The following KCNIP4 variants were observed in gnomAD, a reference collection of about 807,000 sequenced individuals.
KCNIP4 encodes the protein Kv channel-interacting protein 4.
Under a neutral mutation model 34.0 loss-of-function variants are expected in KCNIP4, and 12 were observed. The observed-to-expected ratio is 0.35, with a 90% confidence interval of 0.23 to 0.57. The LOEUF is 0.57. Ranked by LOEUF, KCNIP4 falls within the 20% of genes least tolerant of loss-of-function variation. The probability of loss-of-function intolerance (pLI) is 0.83; values close to 1 mark genes in which losing one functional copy is unlikely to be tolerated. For synonymous variants in KCNIP4, 124 were observed against 102.2 expected, an observed-to-expected ratio of 1.21 and a Z score of -1.29; for missense variants, 238 against 311.7, an observed-to-expected ratio of 0.76 and a Z score of 1.78.
chr4:20,814,510 G>A lies in KCNIP4; in HGVS notation c.288+36033C>T, dbSNP rs575273820. 3.0e-3 allele frequency among the ~76,000 whole-genome samples: 458 copies of A among 152,260 alleles called. 1 individual carries two copies. Among genetic ancestry groups the A allele is most frequent in the Non-Finnish European group, 4.6e-3 (311 of 68,014 alleles). ...AATTGTATGAACTCAGGTGCTAGAC[G>A]TTCCTGGGTTTATTCTAGGCTCTGC... On this transcript the variant is annotated intron_variant, in intron 3 of 8. Transcript: ENST00000382152.
intron 1 of KCNIP4, among the ~76,000 whole-genome samples, chr4:20,933,296 G>A (rs1340338777): frequency 6.6e-6 from 1 of 151,998 alleles, no homozygotes; most frequent in Non-Finnish European, 1.5e-5. Flanking sequence ...CAAGCTAATT[G>A]TACCAGTGTT....
At chr4:20,966,671 C>T (rs2149669596) in intron 1 of KCNIP4, among the ~76,000 whole-genome samples, 1 of 152,216 alleles carries the variant, frequency 6.6e-6, no homozygotes, top group East Asian at 1.9e-4. Flanking sequence ...CTTATTATAA[C>T]TTACAAAAGA....
At chr4:21,498,791 G>A (rs2109881457) in intron 1 of KCNIP4, among the ~76,000 whole-genome samples, 1 of 152,232 alleles carries the variant, frequency 6.6e-6, no homozygotes, top group Non-Finnish European at 1.5e-5. Context: ...CTGTGCAGAT[G>A]AGAAACAATA....
At chr4:20,964,995 G>GA (rs763217357) in intron 1 of KCNIP4, among the ~76,000 whole-genome samples, 2 of 152,096 alleles carry the variant, frequency 1.3e-5, no homozygotes, top group Non-Finnish European at 2.9e-5. Flanking sequence ...TTTCTTTCAA[G>GA]AAAAACTTTA....
chr4:20,729,874 CCTGAA>C lies in KCNIP4; in HGVS notation c.*203_*207del. On this transcript the variant is annotated 3_prime_UTR_variant, in exon 9 of 9. Coordinates refer to ENST00000382152, the MANE Select transcript of KCNIP4 (RefSeq NM_025221.6). ...GAGTATGAAATGAGTTAGACCATCC[CCTGAA>C]CTCAGTGGCATTATGAAAAGGATGC... 2.1e-6 allele frequency: 1 copy of C among 472,770 alleles called. No homozygotes were observed. Among genetic ancestry groups the C allele is most frequent in the Non-Finnish European group, 3.7e-6 (1 of 272,422 alleles). 29.3% of individuals were successfully genotyped at this position (472,770 alleles called of 1,614,324 possible).
At chr4:20,822,250 G>C (rs374379290) in intron 3 of KCNIP4, among the ~76,000 whole-genome samples, 4 of 152,102 alleles carry the variant, frequency 2.6e-5, no homozygotes, top group African/African-American at 9.6e-5. Flanking sequence ...CAAAAAGCAG[G>C]CCAAGGACAT....
chr4:21,550,784 T>C (rs1577579374), intron 1 of KCNIP4, among the ~76,000 whole-genome samples: 2 of 152,018 alleles, frequency 1.3e-5, no homozygotes, highest in African/African-American at 4.8e-5. Flanking sequence ...AAGAAAGAAA[T>C]TTTGTGTGAG....
At chr4:21,263,767 A>G (rs1361014744) in intron 1 of KCNIP4, among the ~76,000 whole-genome samples, 1 of 151,828 alleles carries the variant, frequency 6.6e-6, no homozygotes. Context: ...AGTGATCCTC[A>G]CCCTCAGCCC....
chr4:21,374,229 C>A (rs943623257), intron 1 of KCNIP4, among the ~76,000 whole-genome samples: 1 of 147,088 alleles, frequency 6.8e-6, no homozygotes, highest in Non-Finnish European at 1.5e-5. Context: ...ATACCCAAGA[C>A]TGGCTAATTT....
chr4:21,600,040 T>C (rs1742980327), intron 1 of KCNIP4, among the ~76,000 whole-genome samples: 2 of 152,060 alleles, frequency 1.3e-5, no homozygotes, highest in South Asian at 4.1e-4. Flanking sequence ...TCTTAAGAAG[T>C]ATTGATGTAA....
chr4:20,739,390 G>A (rs568561221), intron 5 of KCNIP4, among the ~76,000 whole-genome samples: 2 of 152,312 alleles, frequency 1.3e-5, no homozygotes, highest in African/African-American at 4.8e-5. Flanking sequence ...AGCTTCCAGA[G>A]GAAGGATCAG....
intron 1 of KCNIP4, among the ~76,000 whole-genome samples, chr4:20,924,501 A>C (rs1315638450): frequency 2.0e-5 from 3 of 152,142 alleles, no homozygotes; most frequent in Non-Finnish European, 4.4e-5. Context: ...GCAATATAAA[A>C]GTTTTCTCTT....
intron 3 of KCNIP4, among the ~76,000 whole-genome samples, chr4:20,800,449 A>G (rs951857428): frequency 4.6e-5 from 7 of 152,260 alleles, no homozygotes; most frequent in African/African-American, 1.7e-4. Context: ...ATGGAAATTT[A>G]CAAATTGCCT....
At chr4:21,137,133 TA>T (rs1751559170) in intron 1 of KCNIP4, among the ~76,000 whole-genome samples, 1 of 152,118 alleles carries the variant, frequency 6.6e-6, no homozygotes, top group African/African-American at 2.4e-5. Flanking sequence ...TTGAACATGG[TA>T]AAAGATCAAT....
At chr4:21,697,504 TAAA>T in intron 1 of KCNIP4, 1 of 1,490,964 alleles carries the variant, frequency 6.7e-7, no homozygotes. Flanking sequence ...ATAATAATAA[TAAA>T]AAGAGAGTCT....
At chr4:20,738,996 C>G (rs1750385924) in intron 5 of KCNIP4, among the ~76,000 whole-genome samples, 1 of 152,176 alleles carries the variant, frequency 6.6e-6, no homozygotes, top group Non-Finnish European at 1.5e-5. Flanking sequence ...ACTGCTATCA[C>G]AGAAGTCCGA....
intron 1 of KCNIP4, among the ~76,000 whole-genome samples, chr4:21,570,926 C>T (rs964379714): frequency 6.6e-6 from 1 of 152,066 alleles, no homozygotes; most frequent in Admixed American, 6.6e-5. Flanking sequence ...ATCTTTTGGT[C>T]AAAGTCATAT....
intron 1 of KCNIP4, among the ~76,000 whole-genome samples, chr4:21,742,244 G>A (rs1206415473): frequency 6.6e-6 from 1 of 152,124 alleles, no homozygotes; most frequent in Non-Finnish European, 1.5e-5. Context: ...TACATAGAGA[G>A]AGGGTCCCCA....
chr4:21,400,573 C>CGT, intron 1 of KCNIP4, among the ~76,000 whole-genome samples: 1 of 76,254 alleles, frequency 1.3e-5, no homozygotes, highest in South Asian at 4.8e-4. Flanking sequence ...CTCTTCTCTT[C>CGT]TCTTCGTTCT....
Sources: allele counts gnomAD v4.1 joint callset (sites outside exome capture counted in the v4.1 genomes callset), GRCh38; gene constraint gnomAD v4.1.1; transcripts MANE v1.5; gene names NCBI Gene and HGNC (gene_info 2026-07-23, HGNC 2026-07-21).